DLGAP4: variants seen among roughly 807,000 people sequenced by gnomAD.
DLGAP4 encodes DLG associated protein 4.
A neutral mutation model predicts 86.9 loss-of-function variants in DLGAP4; 18 were observed. The observed-to-expected ratio is 0.21, with a 90% confidence interval of 0.14 to 0.31. The LOEUF is 0.31. Ranked by LOEUF, DLGAP4 falls within the 10% of genes least tolerant of loss-of-function variation. The pLI, the probability that DLGAP4 is intolerant of heterozygous loss-of-function variation, is 1.00. For synonymous variants in DLGAP4, 548 were observed against 574.3 expected, an observed-to-expected ratio of 0.95 and a Z score of 0.65; for missense variants, 1,085 against 1,362.6, an observed-to-expected ratio of 0.80 and a Z score of 3.21.
intron 10 of DLGAP4, among the ~76,000 whole-genome samples, chr20:36,509,860 CTT>C (rs796066122): frequency 6.2e-5 from 9 of 145,456 alleles, no homozygotes; most frequent in African/African-American, 7.5e-5. Context: ...TATTGCTTGT[CTT>C]TTTTTTTTTT....
At chr20:36,442,640 T>C in intron 5 of DLGAP4, 87 bp from the exon 6 acceptor site, 1 of 1,488,862 alleles carries the variant, frequency 6.7e-7, no homozygotes, top group South Asian at 1.1e-5. Context: ...ACCAGCCAGC[T>C]TCAAGTTTCC....
intron 2 of DLGAP4, among the ~76,000 whole-genome samples, chr20:36,418,362 C>T (rs1040845756): frequency 6.6e-6 from 1 of 152,106 alleles, no homozygotes; most frequent in African/African-American, 2.4e-5. Context: ...ATTCACCCAC[C>T]TCGGCCTCCC....
At chr20:36,317,292 CT>C (rs1652035521) in intron 1 of DLGAP4, among the ~76,000 whole-genome samples, 2 of 23,426 alleles carry the variant, frequency 8.5e-5, no homozygotes, top group African/African-American at 3.7e-4. Flanking sequence ...TTCTTTCTTT[CT>C]TATCTTTCTT....
chr20:36,422,255 T>C (rs1405740810), intron 2 of DLGAP4, among the ~76,000 whole-genome samples: 1 of 152,206 alleles, frequency 6.6e-6, no homozygotes, highest in Non-Finnish European at 1.5e-5. Flanking sequence ...TGTTCGGCCA[T>C]TCCACCTCAC....
At chr20:36,339,005 G>A (rs1248631047) in intron 1 of DLGAP4, among the ~76,000 whole-genome samples, 4 of 152,360 alleles carry the variant, frequency 2.6e-5, no homozygotes, top group South Asian at 2.1e-4. Context: ...GGGACTCAGC[G>A]GCTCTCTCGG....
intron 1 of DLGAP4, among the ~76,000 whole-genome samples, chr20:36,356,266 C>T (rs571726959): frequency 2.6e-5 from 4 of 152,298 alleles, no homozygotes; most frequent in African/African-American, 9.6e-5. Flanking sequence ...TTCACTTTAT[C>T]GTTAAAGCCA....
intron 1 of DLGAP4, among the ~76,000 whole-genome samples, chr20:36,319,123 C>CA (rs2065140897): frequency 1.4e-5 from 2 of 147,476 alleles, no homozygotes; most frequent in Admixed American, 1.4e-4. Flanking sequence ...AGCCTGGCAA[C>CA]AGAGCGAGAC....
At chr20:36,494,183 A>G (rs958851995) in intron 7 of DLGAP4, among the ~76,000 whole-genome samples, 5 of 152,140 alleles carry the variant, frequency 3.3e-5, no homozygotes, top group African/African-American at 1.2e-4. Context: ...TTTCAAACAG[A>G]CGAGTAGGAA....
chr20:36,448,103 C>T (rs1418387601), intron 7 of DLGAP4, among the ~76,000 whole-genome samples: 1 of 151,444 alleles, frequency 6.6e-6, no homozygotes, highest in Non-Finnish European at 1.5e-5. Flanking sequence ...CGCCTATAAT[C>T]CCAACACTTT....
At chr20:36,377,247 A>G (rs1175571978) in intron 2 of DLGAP4, among the ~76,000 whole-genome samples, 1 of 152,180 alleles carries the variant, frequency 6.6e-6, no homozygotes, top group East Asian at 1.9e-4. Context: ...CTCATCACTG[A>G]GAGTATTCAA....
chr20:36,419,356 C>A (rs901295469), intron 2 of DLGAP4, among the ~76,000 whole-genome samples: 2 of 151,964 alleles, frequency 1.3e-5, no homozygotes, highest in Admixed American at 1.3e-4. Context: ...GTTTTGAACT[C>A]CTGGCCTCAA....
intron 7 of DLGAP4, among the ~76,000 whole-genome samples, chr20:36,456,595 A>G (rs1258737624): frequency 1.3e-5 from 2 of 152,228 alleles, no homozygotes; most frequent in African/African-American, 4.8e-5. Flanking sequence ...TCCACAGAGG[A>G]CACTGGGCAG....
rs1263112671 is a variant in DLGAP4 at position 36,525,230 on chromosome 20, AAAAAAAAAAAAAAAAAAAAAAAAAC to A, written c.2605-617_2605-593del. ...AGACTCCGTCTCAAAAAAAAAAAAAAAAAAAAAAAAAAAAAAAAAAAAAACAAAGAAATCCCACTGCTGGGATTGG... is the reference window on the plus strand; with the variant it reads ...AGACTCCGTCTCAAAAAAAAAAAAAAAAAGAAATCCCACTGCTGGGATTGG... On this transcript the variant is annotated intron_variant, in intron 11 of 12. Coordinates refer to ENST00000339266, the MANE Select transcript of DLGAP4 (RefSeq NM_001365621.2). 1.5e-4 allele frequency among the ~76,000 whole-genome samples: 16 copies of A among 107,208 alleles called. 1 individual carries two copies. Among genetic ancestry groups the A allele is most frequent in the Middle Eastern group, 4.5e-3 (1 of 224 alleles). The allele number at this position is 107,208 out of a possible 152,430, so 70.3% of individuals were successfully genotyped here.
At chr20:36,512,957 TTTTTTTTTTTTTG>T (rs2036801741) in intron 10 of DLGAP4, among the ~76,000 whole-genome samples, 1 of 121,716 alleles carries the variant, frequency 8.2e-6, no homozygotes, top group African/African-American at 3.2e-5. Flanking sequence ...TTTTTTTTTT[TTTTTTTTTTTTTG>T]AGATGGGGTC....
intron 11 of DLGAP4, 168 bp from the exon 12 acceptor site, chr20:36,525,683 A>C (rs2037708723): frequency 2.3e-6 from 2 of 878,802 alleles, no homozygotes; most frequent in African/African-American, 3.4e-5. Flanking sequence ...GCTGGTGCTG[A>C]CCAGAACTGG....
At chr20:36,347,337 T>C (rs2029977126) in intron 1 of DLGAP4, among the ~76,000 whole-genome samples, 1 of 152,142 alleles carries the variant, frequency 6.6e-6, no homozygotes, top group Admixed American at 6.5e-5. Context: ...AGATGGATTC[T>C]TTAGTGTGTG....
intron 10 of DLGAP4, among the ~76,000 whole-genome samples, chr20:36,511,327 C>G (rs970117173): frequency 1.3e-5 from 2 of 152,092 alleles, no homozygotes; most frequent in Admixed American, 1.3e-4. Flanking sequence ...CTCAGCTTTC[C>G]AAGTAGCTGA....
At chr20:36,361,978 C>CA (rs545997891) in intron 1 of DLGAP4, among the ~76,000 whole-genome samples, 829 of 48,078 alleles carry the variant, frequency 0.017, 10 homozygotes, top group Middle Eastern at 0.031. Context: ...GATTCTGTCT[C>CA]AAAAAAAAAA....
At chr20:36,325,149 A>G (rs1181523106) in intron 1 of DLGAP4, among the ~76,000 whole-genome samples, 3 of 151,872 alleles carry the variant, frequency 2.0e-5, no homozygotes, top group Admixed American at 2.0e-4. Flanking sequence ...ATTTTGATAT[A>G]TTATATTTTC....
Sources: allele counts gnomAD v4.1 joint callset (sites outside exome capture counted in the v4.1 genomes callset), GRCh38; gene constraint gnomAD v4.1.1; transcripts MANE v1.5; gene names NCBI Gene and HGNC (gene_info 2026-07-23, HGNC 2026-07-21).